Variants in CHMP3 observed in about 807,000 individuals in gnomAD.
CHMP3 encodes the protein 25.1 protein.
A neutral mutation model predicts 27.4 loss-of-function variants in CHMP3; 8 were observed. That is an observed-to-expected ratio of 0.29 (90% CI 0.17 to 0.53). CHMP3 has a LOEUF of 0.53. Ranked by LOEUF, CHMP3 falls within the 20% of genes least tolerant of loss-of-function variation. CHMP3 has a pLI of 0.96. For synonymous variants in CHMP3, 86 were observed against 85.5 expected, an observed-to-expected ratio of 1.01 and a Z score of -0.03; for missense variants, 208 against 271.5, an observed-to-expected ratio of 0.77 and a Z score of 1.64.
At chr2:86,523,672 C>G (rs1035093011) in intron 3 of CHMP3, among the ~76,000 whole-genome samples, 7 of 152,136 alleles carry the variant, frequency 4.6e-5, no homozygotes, top group Non-Finnish European at 1.0e-4. Context: ...CCCTACCCTC[C>G]TCCCTTCCAC....
At chr2:86,531,127 C>CT (rs1319194321) in intron 2 of CHMP3, among the ~76,000 whole-genome samples, 1 of 151,996 alleles carries the variant, frequency 6.6e-6, no homozygotes, top group Non-Finnish European at 1.5e-5. Flanking sequence ...TATGAGTTGC[C>CT]TTTTCCTCCG....
At chr2:86,543,351 G>A (rs1676435432) in intron 1 of CHMP3, among the ~76,000 whole-genome samples, 1 of 152,184 alleles carries the variant, frequency 6.6e-6, no homozygotes, top group Admixed American at 6.5e-5. Flanking sequence ...GAATCAAAAT[G>A]AAGTCACTAG....
intron 3 of CHMP3, among the ~76,000 whole-genome samples, chr2:86,520,008 T>C (rs1361060913): frequency 6.6e-6 from 1 of 152,208 alleles, no homozygotes. Flanking sequence ...GAGTAATAAA[T>C]GTGTGTGGTA....
At chr2:86,558,827 T>C (rs1262028977) in intron 1 of CHMP3, among the ~76,000 whole-genome samples, 9 of 151,756 alleles carry the variant, frequency 5.9e-5, no homozygotes, top group African/African-American at 1.9e-4. Context: ...CTTTGAAAAT[T>C]TCCTTCACTT....
At chr2:86,529,764 G>A (rs1193281483) in intron 2 of CHMP3, among the ~76,000 whole-genome samples, 1 of 152,104 alleles carries the variant, frequency 6.6e-6, no homozygotes, top group Non-Finnish European at 1.5e-5. Flanking sequence ...CTAAAAACCT[G>A]CAACTTAAGG....
At chr2:86,542,058 TAA>T (rs1339311115) in intron 2 of CHMP3, among the ~76,000 whole-genome samples, 192 bp downstream of exon 2, 2 of 152,164 alleles carry the variant, frequency 1.3e-5, no homozygotes, top group African/African-American at 2.4e-5. Context: ...TTCCAAAATA[TAA>T]AGTTTCTTCT....
At chr2:86,522,769 G>C (rs931536672) in intron 3 of CHMP3, among the ~76,000 whole-genome samples, 22 of 151,992 alleles carry the variant, frequency 1.4e-4, no homozygotes, top group Admixed American at 1.4e-3. Flanking sequence ...GTCCCTCCCT[G>C]CACCTGTGCT....
At chr2:86,533,124 T>A (rs897718597) in intron 2 of CHMP3, among the ~76,000 whole-genome samples, 3 of 152,238 alleles carry the variant, frequency 2.0e-5, no homozygotes, top group African/African-American at 7.2e-5. Flanking sequence ...TCTGTTCACA[T>A]TTTCTATTTC....
chr2:86,520,497 C>T (rs1675481384), intron 3 of CHMP3, among the ~76,000 whole-genome samples: 2 of 152,174 alleles, frequency 1.3e-5, no homozygotes, highest in Non-Finnish European at 2.9e-5. Context: ...CCCCCATGAT[C>T]CAATCACCTC....
intron 2 of CHMP3, among the ~76,000 whole-genome samples, 170 bp downstream of exon 2, chr2:86,542,081 CT>C (rs1336421270): frequency 6.6e-6 from 1 of 151,618 alleles, no homozygotes; most frequent in Non-Finnish European, 1.5e-5. Flanking sequence ...AACTCATTAT[CT>C]TTTTTTAATA....
chr2:86,530,146 C>A (rs1346510344), intron 2 of CHMP3, among the ~76,000 whole-genome samples: 1 of 152,232 alleles, frequency 6.6e-6, no homozygotes. Context: ...GCACCCACCA[C>A]GATGCCTGGC....
intron 2 of CHMP3, among the ~76,000 whole-genome samples, chr2:86,534,196 C>CTTT (rs33977886): frequency 4.5e-5 from 3 of 66,902 alleles, no homozygotes; most frequent in East Asian, 6.5e-4. Flanking sequence ...TGCTTTATTT[C>CTTT]TTTTTTTTTT....
At chr2:86,537,838 G>A (rs1194344982) in intron 2 of CHMP3, among the ~76,000 whole-genome samples, 1 of 152,140 alleles carries the variant, frequency 6.6e-6, no homozygotes, top group Non-Finnish European at 1.5e-5. Flanking sequence ...AAATGGCACA[G>A]CTGCCATGGA....
intron 1 of CHMP3, among the ~76,000 whole-genome samples, chr2:86,559,031 A>C: frequency 6.6e-6 from 1 of 152,220 alleles, no homozygotes; most frequent in Non-Finnish European, 1.5e-5. Flanking sequence ...GGATACCCAG[A>C]TAGCTGGTAA....
rs536353025 is a variant in CHMP3, at chr2:86,527,229, TA to T, written c.286+1988del. ...TTCAAGACCATCCTGGGCAACATGGTAAAACCCCGTCTCTACCAAAAAAAAA... is the reference window on the plus strand; with the variant it reads ...TTCAAGACCATCCTGGGCAACATGGTAAACCCCGTCTCTACCAAAAAAAAA... On this transcript the variant is annotated intron_variant, in intron 3 of 5. Coordinates refer to ENST00000263856, the MANE Select transcript of CHMP3 (RefSeq NM_016079.4). The T allele has an allele frequency of 4.0e-5, 6 of 150,946 alleles. No individual in the cohort carries two copies. In the South Asian group the frequency reaches 1.3e-3, roughly 32 times the overall value. The allele number at this position is 150,946 out of a possible 1,614,324, so 9.4% of individuals were successfully genotyped here.
Position 86,563,424 on chromosome 2 carries a change from C to CAG in CHMP3, c.-77_-76insCT, listed in dbSNP as rs1677479673. 4 of 1,540,406 alleles carry CAG rather than the reference C, an allele frequency of 2.6e-6. No homozygotes were observed. Among genetic ancestry groups the CAG allele is most frequent in the Non-Finnish European group, 3.5e-6 (4 of 1,138,050 alleles). On this transcript the variant is annotated 5_prime_UTR_variant, in exon 1 of 6. Coordinates refer to ENST00000263856, the MANE Select transcript of CHMP3 (RefSeq NM_016079.4). ...GGCAGGTCACGGGCAGCCGCCTGGGCGGGGCCCGCGGAAAAGGAGGTAGTC... is the reference window on the plus strand; with the variant it reads ...GGCAGGTCACGGGCAGCCGCCTGGGCAGGGGGCCCGCGGAAAAGGAGGTAGTC...
chr2:86,513,916 A>G (rs543846298), intron 3 of CHMP3, among the ~76,000 whole-genome samples: 30 of 152,356 alleles, frequency 2.0e-4, no homozygotes, highest in Non-Finnish European at 3.8e-4. Flanking sequence ...TTTGAACCCC[A>G]GCTCCGCCAT....
At chr2:86,539,479 A>C (rs1348363695) in intron 2 of CHMP3, among the ~76,000 whole-genome samples, 9 of 152,150 alleles carry the variant, frequency 5.9e-5, no homozygotes, top group Non-Finnish European at 8.8e-5. Flanking sequence ...AATTACTATT[A>C]ATGACAAATA....
intron 1 of CHMP3, among the ~76,000 whole-genome samples, chr2:86,559,468 G>A (rs1558664985): frequency 6.6e-6 from 1 of 152,104 alleles, no homozygotes; most frequent in Non-Finnish European, 1.5e-5. Flanking sequence ...CCATCCTATT[G>A]GTTCTACTTC....
Sources: allele counts gnomAD v4.1 joint callset (sites outside exome capture counted in the v4.1 genomes callset), GRCh38; gene constraint gnomAD v4.1.1; transcripts MANE v1.5; gene names NCBI Gene and HGNC (gene_info 2026-07-23, HGNC 2026-07-21).